The following DCC variants were observed in gnomAD, a reference collection of about 807,000 sequenced individuals.
The protein encoded by DCC is netrin receptor DCC.
DCC carries 58 observed loss-of-function variants against 172.5 expected under a neutral mutation model. The ratio of observed to expected loss-of-function variants is 0.34; its 90% CI spans 0.27 to 0.42. DCC has a LOEUF of 0.42. DCC is among the 10% of genes least tolerant of loss of function. DCC has a pLI of 1.00. For synonymous variants in DCC, 709 were observed against 644.5 expected, an observed-to-expected ratio of 1.10 and a Z score of -1.52; for missense variants, 1,740 against 1,791.0, an observed-to-expected ratio of 0.97 and a Z score of 0.51.
intron 27 of DCC, among the ~76,000 whole-genome samples, chr18:53,521,375 A>T (rs2046397017): frequency 6.6e-6 from 1 of 152,124 alleles, no homozygotes; most frequent in Admixed American, 6.6e-5. Context: ...TGGTTGATGC[A>T]GTATGATACA....
intron 5 of DCC, among the ~76,000 whole-genome samples, chr18:52,997,971 A>G (rs2041508963): frequency 6.6e-6 from 1 of 152,040 alleles, no homozygotes; most frequent in Non-Finnish European, 1.5e-5. Context: ...TCTCAGGTTC[A>G]ACCCTTCTGT....
chr18:52,553,169 T>A (rs1175635528), intron 1 of DCC, among the ~76,000 whole-genome samples: 1 of 152,096 alleles, frequency 6.6e-6, no homozygotes, highest in Non-Finnish European at 1.5e-5. Context: ...GAAATGTATG[T>A]GTATATATAG....
chr18:52,411,165 C>T (rs1048478120), intron 1 of DCC, among the ~76,000 whole-genome samples: 1 of 152,150 alleles, frequency 6.6e-6, no homozygotes, highest in African/African-American at 2.4e-5. Flanking sequence ...TTGCATGCAA[C>T]ATTCAAGGAT....
intron 1 of DCC, among the ~76,000 whole-genome samples, chr18:52,698,587 T>A (rs1417947510): frequency 6.6e-6 from 1 of 152,034 alleles, no homozygotes; most frequent in Non-Finnish European, 1.5e-5. Flanking sequence ...TCAACTCTGT[T>A]AAAGATGAGA....
At chr18:52,693,441 G>T (rs1466134610) in intron 1 of DCC, among the ~76,000 whole-genome samples, 1 of 146,014 alleles carries the variant, frequency 6.8e-6, no homozygotes, top group Non-Finnish European at 1.5e-5. Context: ...AAATATATGG[G>T]ATATATATCT....
chr18:52,846,838 G>C (rs1410556977), intron 2 of DCC, among the ~76,000 whole-genome samples: 1 of 152,130 alleles, frequency 6.6e-6, no homozygotes, highest in African/African-American at 2.4e-5. Flanking sequence ...ATTATGTGAT[G>C]GATATTCACC....
At chr18:52,865,611 C>CT (rs552284612) in intron 2 of DCC, among the ~76,000 whole-genome samples, 7,782 of 144,720 alleles carry the variant, frequency 0.054, 279 homozygotes, top group South Asian at 0.14. Context: ...TGATGATGAG[C>CT]TTTTTTTTTT....
At chr18:53,471,341 C>G (rs576238953) in intron 25 of DCC, among the ~76,000 whole-genome samples, 1 of 152,252 alleles carries the variant, frequency 6.6e-6, no homozygotes, top group African/African-American at 2.4e-5. Flanking sequence ...TTTAAATGTA[C>G]AATTAAGTTA....
intron 1 of DCC, among the ~76,000 whole-genome samples, chr18:52,735,127 A>G (rs371032777): frequency 6.6e-6 from 1 of 152,126 alleles, no homozygotes; most frequent in Non-Finnish European, 1.5e-5. Flanking sequence ...CTTCTCCACC[A>G]TCAGCTCCCT....
chr18:52,882,556 G>T (rs763446514), intron 2 of DCC, among the ~76,000 whole-genome samples: 44 of 151,898 alleles, frequency 2.9e-4, no homozygotes, highest in Non-Finnish European at 5.3e-4. Context: ...TAATTTCCAT[G>T]TGTTTGTATA....
chr18:52,351,272 G>A (rs1984109021), intron 1 of DCC, among the ~76,000 whole-genome samples: 1 of 152,194 alleles, frequency 6.6e-6, no homozygotes, highest in Non-Finnish European at 1.5e-5. Context: ...CTTAGCTAAG[G>A]CTGGAGAAGA....
At chr18:52,368,610 T>G (rs1391646683) in intron 1 of DCC, among the ~76,000 whole-genome samples, 3 of 152,168 alleles carry the variant, frequency 2.0e-5, no homozygotes, top group South Asian at 2.1e-4. Flanking sequence ...CCCTGACCAG[T>G]GCTGATGGGT....
chr18:52,759,040 G>A (rs1408713447), intron 2 of DCC: 3 of 152,086 alleles, frequency 2.0e-5, no homozygotes, highest in Non-Finnish European at 2.9e-5. Context: ...TTGTTTTGTA[G>A]TTAAAGCATG....
chr18:52,715,633 C>T (rs543920789), intron 1 of DCC, among the ~76,000 whole-genome samples: 1 of 152,136 alleles, frequency 6.6e-6, no homozygotes, highest in Non-Finnish European at 1.5e-5. Context: ...AGGCTGACTT[C>T]CGAGGGCTGC....
intron 20 of DCC, among the ~76,000 whole-genome samples, chr18:53,413,282 T>G (rs943509941): frequency 6.6e-6 from 1 of 152,174 alleles, no homozygotes; most frequent in Non-Finnish European, 1.5e-5. Flanking sequence ...TTCTGAAATG[T>G]GCCTCTCCCC....
chr18:53,280,235 T>A (rs2056855673), intron 12 of DCC, among the ~76,000 whole-genome samples: 1 of 152,158 alleles, frequency 6.6e-6, no homozygotes. Context: ...AACTGTTATT[T>A]TTATTTTCTA....
chr18:53,100,187 A>T (rs2043149526), intron 7 of DCC, among the ~76,000 whole-genome samples: 1 of 151,722 alleles, frequency 6.6e-6, no homozygotes, highest in African/African-American at 2.4e-5. Context: ...ACCTCAAGTG[A>T]TCCACCTACC....
chr18:53,269,303 G>A (rs2056719883), intron 12 of DCC, among the ~76,000 whole-genome samples: 2 of 152,168 alleles, frequency 1.3e-5, no homozygotes, highest in Middle Eastern at 3.4e-3. Context: ...ACACATACAC[G>A]AATTTTTCTT....
chr18:53,272,771 T>G (rs1040433639), intron 12 of DCC, among the ~76,000 whole-genome samples: 1 of 152,152 alleles, frequency 6.6e-6, no homozygotes, highest in African/African-American at 2.4e-5. Flanking sequence ...GGTAGCAATG[T>G]TTACTTCTTA....
Sources: gnomAD v4.1 joint callset for allele counts (sites outside exome capture counted in the v4.1 genomes callset) on GRCh38, gnomAD v4.1.1 for gene constraint, MANE v1.5 for transcripts, NCBI Gene and HGNC (gene_info 2026-07-23, HGNC 2026-07-21) for gene names.